Variants in OR5H1 observed in about 807,000 individuals in gnomAD.
OR5H1 encodes olfactory receptor family 5 subfamily H member 1, also known as olfactory receptor 5H1.
For missense variants in OR5H1, 378 were observed against 366.8 expected (o/e 1.03, Z -0.25); for synonymous variants, 124 against 134.4 (o/e 0.92, Z 0.54).
At position 98,133,525 on chromosome 3, in the gene OR5H1, A is replaced by G. The variant is rs751264873; in HGVS notation, c.828A>G (p.Leu276=). ...ATGATCAAGATATGGTGGAGCCTCTATTCTACACTGTCATCATTCCTTTGT... is the reference window on the plus strand; with the variant it reads ...ATGATCAAGATATGGTGGAGCCTCTGTTCTACACTGTCATCATTCCTTTGT... ...QADDQDMVEP[L]FYTVIIPLLN... is the part of the protein sequence containing the mutation. Residue 276 remains leucine (L), a synonymous_variant, in exon 2 of 2, where the codon CTA becomes CTG. Coordinates refer to ENST00000641874, the MANE Select transcript of OR5H1 (RefSeq NM_001005338.2). 1.2e-6 allele frequency: 2 copies of G among 1,613,372 alleles called. No individual in the cohort carries two copies. Among genetic ancestry groups the G allele is most frequent in the South Asian group, 1.1e-5 (1 of 91,064 alleles).
rs1017869337 is a variant in OR5H1, at chr3:98,137,258, G to A, written c.*3619G>A. The A allele has an allele frequency of 1.3e-5, 2 of 152,162 alleles. No homozygotes were observed. Among genetic ancestry groups the A allele is most frequent in the Admixed American group, 1.3e-4 (2 of 15,282 alleles). The allele number at this position is 152,162 out of a possible 1,614,324, so 9.4% of individuals were successfully genotyped here. A position where few individuals can be genotyped will look rare whatever the true frequency, so the allele number is the denominator to read the frequency against. On this transcript the variant is annotated 3_prime_UTR_variant, in exon 2 of 2. Transcript: ENST00000641874. ...ATTCTGTTTACAAAAGGTATACTTGGCCAGATTGTTTGCAAAGTTTCTTTA... is the reference window on the plus strand; with the variant it reads ...ATTCTGTTTACAAAAGGTATACTTGACCAGATTGTTTGCAAAGTTTCTTTA...
Position 98,133,328 on chromosome 3 carries a change from A to G in OR5H1, c.631A>G (p.Ile211Val), listed in dbSNP as rs1225278300. The change falls in exon 2 of 2, where the codon ATT becomes GTT. Residue 211 changes from isoleucine (I) to valine (V), a missense_variant. Coordinates refer to ENST00000641874, the MANE Select transcript of OR5H1 (RefSeq NM_001005338.2). ...IFSGSIQVFSIVTILVSYTFV... is the reference protein window; with the variant it reads ...IFSGSIQVFSVVTILVSYTFV... The stretch of plus-strand genomic sequence containing the variant: ...CTCAGGTTCAATTCAGGTATTCAGC[A>G]TTGTGACTATTCTTGTATCTTATAC... 4 of 1,613,354 alleles carry G rather than the reference A, an allele frequency of 2.5e-6. No homozygotes were observed. Among genetic ancestry groups the G allele is most frequent in the Non-Finnish European group, 3.4e-6 (4 of 1,179,644 alleles).
Position 98,136,952 on chromosome 3 carries a change from C to A in OR5H1, c.*3313C>A, listed in dbSNP as rs552467824. On this transcript the variant is annotated 3_prime_UTR_variant, in exon 2 of 2. Coordinates refer to ENST00000641874, the MANE Select transcript of OR5H1 (RefSeq NM_001005338.2). ...ATAAATTACCCAGCCTCAAGAATTT[C>A]TTTATTGCAACACTAAATGGAATGA... 2.0e-5 allele frequency: 3 copies of A among 152,278 alleles called. No homozygotes were observed. Among genetic ancestry groups the A allele is most frequent in the East Asian group, 3.9e-4 (2 of 5,186 alleles). 9.4% of individuals were successfully genotyped at this position (152,278 alleles called of 1,614,324 possible).
At position 98,133,890 on chromosome 3, in the gene OR5H1, T is replaced by A. The variant is rs1003202895; in HGVS notation, c.*251T>A. ...AAAACTATTTAACAGTTGTATATGT[T>A]ATTCAATGTGCATTTATAAATGCAT... On this transcript the variant is annotated 3_prime_UTR_variant, in exon 2 of 2. Coordinates refer to ENST00000641874, the MANE Select transcript of OR5H1 (RefSeq NM_001005338.2). 2 of 356,572 alleles carry A rather than the reference T, an allele frequency of 5.6e-6. No individual in the cohort carries two copies. Among genetic ancestry groups the A allele is most frequent in the African/African-American group, 2.1e-5 (1 of 47,568 alleles). The allele number at this position is 356,572 out of a possible 1,614,324, so 22.1% of individuals were successfully genotyped here.
Position 98,133,054 on chromosome 3 carries a change from A to T in OR5H1, c.357A>T (p.Ala119=), listed in dbSNP as rs1298718905. Reference sequence around the variant, plus strand: ...AATGTTTTCTCTTGGCAACGATGGCATATGATCGCTATGTAGCCATATGCA... The same window carrying T: ...AATGTTTTCTCTTGGCAACGATGGCTTATGATCGCTATGTAGCCATATGCA... ...TTECFLLATM[A]YDRYVAICKP... Residue 119 remains alanine, a synonymous_variant, in exon 2 of 2, where the codon GCA becomes GCT. Transcript: ENST00000641874. 6.2e-7 allele frequency: 1 copy of T among 1,613,688 alleles called. No homozygotes were observed. Among genetic ancestry groups the T allele is most frequent in the South Asian group, 1.1e-5 (1 of 91,074 alleles).
rs1559804397 is a variant in OR5H1 at position 98,133,618 on chromosome 3, A to G, written c.921A>G (p.Lys307=). 6.2e-7 allele frequency: 1 copy of G among 1,604,788 alleles called. No homozygotes were observed. The highest frequency in any genetic ancestry group is 1.1e-5 in the South Asian group (1 of 89,350). ...VTVSFTKMLK[K]HVKVSY is the part of the protein sequence containing the mutation. ...TTTCATTCACAAAAATGTTAAAAAA[A>G]CATGTTAAGGTTTCATACTAATATC... is the stretch of plus-strand genomic sequence containing the variant. Residue 307 remains lysine (K), a synonymous_variant, in exon 2 of 2, where the codon AAA becomes AAG. Transcript: ENST00000641874.
Position 98,133,361 on chromosome 3 carries a change from C to T in OR5H1, c.664C>T (p.Leu222Phe). 1.9e-6 allele frequency: 3 copies of T among 1,613,080 alleles called. No individual in the cohort carries two copies. The highest frequency in any genetic ancestry group is 2.2e-5 in the East Asian group (1 of 44,814). Residue 222 changes from leucine to phenylalanine, a missense_variant, in exon 2 of 2, where the codon CTC (leucine) becomes TTC (phenylalanine). Leu to Phe is a conservative substitution (Grantham distance 22). Coordinates refer to ENST00000641874, the MANE Select transcript of OR5H1 (RefSeq NM_001005338.2). Reference sequence around the variant, plus strand: ...TATTCTTGTATCTTATACATTTGTTCTCTTCGCAATCTTAAAAAAGAAATC... The same window carrying T: ...TATTCTTGTATCTTATACATTTGTTTTCTTCGCAATCTTAAAAAAGAAATC... ...VTILVSYTFV[L>F]FAILKKKSDK...
chr3:98,133,214 A>C lies in OR5H1; in HGVS notation c.517A>C (p.Ile173Leu), dbSNP rs62269700. The C allele has an allele frequency of 6.9e-6, 11 of 1,591,604 alleles. No individual in the cohort carries two copies. The highest frequency in any genetic ancestry group is 1.1e-5 in the South Asian group (1 of 89,610). ...CAGACTAACCTTCTGTAACTCCAAC[A>C]TAGTACATCACATTTACTGTGACAC... ...LFRLTFCNSNIVHHIYCDTIP... is the reference protein window; with the variant it reads ...LFRLTFCNSNLVHHIYCDTIP... Residue 173 changes from isoleucine to leucine, a missense_variant, in exon 2 of 2, where the codon ATA becomes CTA. By Grantham distance (5) the Ile-to-Leu change is conservative. Transcript: ENST00000641874.
rs1708313772 is a variant in OR5H1 at position 98,135,963 on chromosome 3, G to T, written c.*2324G>T. The T allele has an allele frequency of 6.6e-6, 1 of 152,126 alleles. No homozygotes were observed. Among genetic ancestry groups the T allele is most frequent in the Admixed American group, 6.5e-5 (1 of 15,268 alleles). 9.4% of individuals were successfully genotyped at this position (152,126 alleles called of 1,614,324 possible). A position where few individuals can be genotyped will look rare whatever the true frequency, so the allele number is the denominator to read the frequency against. ...CTTTTGTCATGTCATTGAATGTTTG[G>T]TGAACTTCCTGAGTGGGACACTAAG... On this transcript the variant is annotated 3_prime_UTR_variant, in exon 2 of 2. Transcript: ENST00000641874.
chr3:98,133,650 C>T lies in OR5H1; in HGVS notation c.*11C>T. 2.5e-6 allele frequency: 4 copies of T among 1,573,494 alleles called. No individual in the cohort carries two copies. The highest frequency in any genetic ancestry group is 3.5e-6 in the Non-Finnish European group (4 of 1,157,306). On this transcript the variant is annotated 3_prime_UTR_variant, in exon 2 of 2. Transcript: ENST00000641874. ...AAGGTTTCATACTAATATCCTTTCTCTAATTACAAAAATAGTCACAAAATT... is the reference window on the plus strand; with the variant it reads ...AAGGTTTCATACTAATATCCTTTCTTTAATTACAAAAATAGTCACAAAATT...
chr3:98,135,436 A>G lies in OR5H1; in HGVS notation c.*1797A>G, dbSNP rs1453984192. 1 of 152,194 alleles carries G rather than the reference A, an allele frequency of 6.6e-6. No homozygotes were observed. The highest frequency in any genetic ancestry group is 2.4e-5 in the African/African-American group (1 of 41,458). 9.4% of individuals were successfully genotyped at this position (152,194 alleles called of 1,614,324 possible). On this transcript the variant is annotated 3_prime_UTR_variant, in exon 2 of 2. Coordinates refer to ENST00000641874, the MANE Select transcript of OR5H1 (RefSeq NM_001005338.2). ...TTAATTATTTTAACTCATTATGGTC[A>G]GCCTCTCATTATGGGATATTGACTA...
rs766616939 is a variant in OR5H1, at chr3:98,132,901, T to G, written c.204T>G (p.Phe68Leu). The change falls in exon 2 of 2, where the codon TTT (phenylalanine) becomes TTG (leucine). Residue 68 changes from phenylalanine (F) to leucine (L), a missense_variant. Coordinates refer to ENST00000641874, the MANE Select transcript of OR5H1 (RefSeq NM_001005338.2). ...ACTTACTCCTTGGGAATTTAGCTTT[T>G]GTGGATGCTTGGATATCATCCACAG... ...PMYLLLGNLA[F>L]VDAWISSTVT... is the part of the protein sequence containing the mutation. 5.6e-6 allele frequency: 9 copies of G among 1,613,524 alleles called. No homozygotes were observed. The highest frequency in any genetic ancestry group is 7.6e-6 in the Non-Finnish European group (9 of 1,179,598).
chr3:98,131,576 A>G (rs1414591714), intron 1 of OR5H1, among the ~76,000 whole-genome samples: 3 of 151,996 alleles, frequency 2.0e-5, no homozygotes, highest in Admixed American at 6.6e-5. Flanking sequence ...TTTACAGGAC[A>G]TATGTCCACC....
At chr3:98,132,541 G>C in intron 1 of OR5H1, 139 bp from the exon 2 acceptor site, 2 of 894,858 alleles carry the variant, frequency 2.2e-6, no homozygotes, top group Non-Finnish European at 3.3e-6. Flanking sequence ...GCAACAAATA[G>C]AGATTCATCA....
chr3:98,131,761 G>T (rs538800359), intron 1 of OR5H1, among the ~76,000 whole-genome samples: 1 of 151,938 alleles, frequency 6.6e-6, no homozygotes, highest in Admixed American at 6.6e-5. Context: ...TTACTGATTG[G>T]AACACATCTA....
chr3:98,131,063 C>T (rs1459173909), intron 1 of OR5H1, among the ~76,000 whole-genome samples: 1 of 151,780 alleles, frequency 6.6e-6, no homozygotes, highest in African/African-American at 2.4e-5. Context: ...TAATATTTTG[C>T]TATTTTGTTA....
Position 98,133,181 on chromosome 3 carries a change from T to A in OR5H1, c.484T>A (p.Phe162Ile), listed in dbSNP as rs373511293. The A allele has an allele frequency of 1.2e-6, 2 of 1,613,060 alleles. No individual in the cohort carries two copies. The highest frequency in any genetic ancestry group is 2.7e-5 in the African/African-American group (2 of 74,972). ...GILHALIHEG[F>I]LFRLTFCNSN... Reference sequence around the variant, plus strand: ...TCTTCATGCTTTAATCCATGAAGGATTTTTATTCAGACTAACCTTCTGTAA... The same window carrying A: ...TCTTCATGCTTTAATCCATGAAGGAATTTTATTCAGACTAACCTTCTGTAA... The change falls in exon 2 of 2, where the codon TTT (phenylalanine) becomes ATT (isoleucine). Residue 162 changes from phenylalanine (F) to isoleucine (I), a missense_variant. Coordinates refer to ENST00000641874, the MANE Select transcript of OR5H1 (RefSeq NM_001005338.2).
At position 98,138,013 on chromosome 3, in the gene OR5H1, G is replaced by C. The variant is rs1477470512; in HGVS notation, c.*4374G>C. The C allele has an allele frequency of 6.6e-6, 1 of 151,940 alleles. No individual in the cohort carries two copies. Among genetic ancestry groups the C allele is most frequent in the African/African-American group, 2.4e-5 (1 of 41,370 alleles). 9.4% of individuals were successfully genotyped at this position (151,940 alleles called of 1,614,324 possible). ...CAGCACGTTTATGTCAGTGTAGCAG[G>C]ACGAGCCGTGGGCAAAACCCCTCAG... On this transcript the variant is annotated 3_prime_UTR_variant, in exon 2 of 2. Transcript: ENST00000641874.
At position 98,135,597 on chromosome 3, in the gene OR5H1, A is replaced by AGAAATATC. The variant is rs1708308895; in HGVS notation, c.*1958_*1959insGAAATATC. 1 of 152,130 alleles carries AGAAATATC rather than the reference A, an allele frequency of 6.6e-6. No homozygotes were observed. Among genetic ancestry groups the AGAAATATC allele is most frequent in the Non-Finnish European group, 1.5e-5 (1 of 68,032 alleles). 9.4% of individuals were successfully genotyped at this position (152,130 alleles called of 1,614,324 possible). On this transcript the variant is annotated 3_prime_UTR_variant, in exon 2 of 2. Coordinates refer to ENST00000641874, the MANE Select transcript of OR5H1 (RefSeq NM_001005338.2). Reference sequence around the variant, plus strand: ...TGGACACTTCGTTTTTGTTATTCTAATCATAGTGAGAAAATCTGGCACAGT... The same window carrying AGAAATATC: ...TGGACACTTCGTTTTTGTTATTCTAAGAAATATCTCATAGTGAGAAAATCTGGCACAGT...
Sources: allele counts gnomAD v4.1 joint callset (sites outside exome capture counted in the v4.1 genomes callset), GRCh38; gene constraint gnomAD v4.1.1; transcripts MANE v1.5; gene names NCBI Gene and HGNC (gene_info 2026-07-23, HGNC 2026-07-21).